R3HDM2: variants seen among roughly 807,000 people sequenced by gnomAD.
The protein encoded by R3HDM2 is R3H domain containing 2, also known as R3H domain-containing protein 2.
R3HDM2 carries 38 observed loss-of-function variants against 124.5 expected under a neutral mutation model. The ratio of observed to expected loss-of-function variants is 0.31; its 90% confidence interval spans 0.24 to 0.40. The LOEUF (loss-of-function observed/expected upper bound fraction) is 0.40, where lower values mean the gene tolerates loss of function less well. Ranked by LOEUF, R3HDM2 falls within the 10% of genes least tolerant of loss-of-function variation. The pLI, the probability that R3HDM2 is intolerant of heterozygous loss-of-function variation, is 1.00. For synonymous variants in R3HDM2, 391 were observed against 448.0 expected (o/e 0.87, Z 1.61); for missense variants, 869 against 1,236.9 (o/e 0.70, Z 4.46).
chr12:57,280,493 G>A lies in R3HDM2; in HGVS notation c.1209C>T (p.Val403=). 6.2e-7 allele frequency: 1 copy of A among 1,613,288 alleles called. No individual in the cohort carries two copies. Among genetic ancestry groups the A allele is most frequent in the Non-Finnish European group, 8.5e-7 (1 of 1,179,496 alleles). ...ALGAPEVCNQ[V]TSSQSVRGLL... ...GCCCCCGGACAGACTGGGATGAGGT[G>A]ACCTGGTTGCACACTTCTGGGGCAC... Residue 403 remains valine, a synonymous_variant, in exon 14 of 24, where the codon GTC becomes GTT. Transcript: ENST00000402412.
chr12:57,264,393 TAAAA>T (rs55891769), intron 19 of R3HDM2, among the ~76,000 whole-genome samples: 1 of 102,528 alleles, frequency 9.8e-6, no homozygotes, highest in African/African-American at 3.7e-5. Flanking sequence ...CTGCCTCTAC[TAAAA>T]AAAAAAAAAA....
Position 57,258,028 on chromosome 12 carries a change from A to T in R3HDM2, c.2411T>A (p.Val804Asp), listed in dbSNP as rs775494401. 2 of 1,588,442 alleles carry T rather than the reference A, an allele frequency of 1.3e-6. No individual in the cohort carries two copies. Among genetic ancestry groups the T allele is most frequent in the Non-Finnish European group, 1.7e-6 (2 of 1,162,524 alleles). The part of the protein sequence containing the change: ...SVCTGLSPLP[V>D]LTQFPRPGGP... ...CCCAGGCCGGGGGAACTGTGTGAGGACAGGCAGGGGACTGAGTCCTGTGCA... is the reference window on the plus strand; with the variant it reads ...CCCAGGCCGGGGGAACTGTGTGAGGTCAGGCAGGGGACTGAGTCCTGTGCA... Residue 804 changes from valine to aspartate, a missense_variant, in exon 21 of 24, where the codon GTC (valine) becomes GAC (aspartate). Physicochemically the swap from Val to Asp is radical, Grantham distance 152. Coordinates refer to ENST00000402412, the MANE Select transcript of R3HDM2 (RefSeq NM_001394031.1).
At chr12:57,354,538 C>G (rs1043963684) in intron 2 of R3HDM2, among the ~76,000 whole-genome samples, 6 of 151,998 alleles carry the variant, frequency 3.9e-5, no homozygotes, top group Non-Finnish European at 7.4e-5. Context: ...AAGTGATTCG[C>G]CTGCCTCAGC....
intron 2 of R3HDM2, among the ~76,000 whole-genome samples, chr12:57,373,815 AAAAT>A (rs555894623): frequency 2.0e-5 from 3 of 149,760 alleles, no homozygotes; most frequent in African/African-American, 4.9e-5. Context: ...CTCCTTCTCA[AAAAT>A]AAATAAATAA....
chr12:57,335,474 G>C (rs2058732927), intron 2 of R3HDM2, among the ~76,000 whole-genome samples: 1 of 145,916 alleles, frequency 6.9e-6, no homozygotes, highest in South Asian at 2.2e-4. Flanking sequence ...ACAGGCGTGA[G>C]CCATCACGCC....
At chr12:57,397,904 C>T (rs965168425) in intron 1 of R3HDM2, among the ~76,000 whole-genome samples, 2 of 152,174 alleles carry the variant, frequency 1.3e-5, no homozygotes, top group Non-Finnish European at 2.9e-5. Context: ...ATACTGTGGG[C>T]CGGGCACAGT....
chr12:57,430,677 G>C, intron 1 of R3HDM2, 43 bp downstream of exon 1: 1 of 758,750 alleles, frequency 1.3e-6, no homozygotes. Context: ...CTCCCCACAG[G>C]CCGTCCGGGC....
rs536373964 is a variant in R3HDM2 at position 57,345,629 on chromosome 12, G to C, written c.-35-35166C>G. Among the ~76,000 whole-genome samples the C allele has an allele frequency of 7.1e-4, 108 of 152,176 alleles. 1 individual carries two copies. The highest frequency in any genetic ancestry group is 2.6e-3 in the African/African-American group (106 of 41,514). On this transcript the variant is annotated intron_variant, in intron 2 of 23. Transcript: ENST00000402412. ...GCTCACTGCAGCGTTGAACTTCTGG[G>C]CTCAAGCAATCCTCCTGCCTCCTGG...
chr12:57,346,485 G>A (rs927916188), intron 2 of R3HDM2, among the ~76,000 whole-genome samples: 1 of 151,966 alleles, frequency 6.6e-6, no homozygotes, highest in Non-Finnish European at 1.5e-5. Flanking sequence ...GAAACCATGA[G>A]AACTAGAAGG....
At chr12:57,414,486 TA>T (rs534205889) in intron 1 of R3HDM2, among the ~76,000 whole-genome samples, 10,441 of 66,024 alleles carry the variant, frequency 0.16, 460 homozygotes, top group East Asian at 0.31. Context: ...AAGACTCCAT[TA>T]AAAAAAAAAA....
intron 2 of R3HDM2, among the ~76,000 whole-genome samples, chr12:57,316,629 A>T (rs1158146718): frequency 7.5e-6 from 1 of 133,280 alleles, no homozygotes; most frequent in African/African-American, 2.9e-5. Context: ...TATATCACCC[A>T]GGTTAGAGTA....
chr12:57,350,968 G>A (rs1339038901), intron 2 of R3HDM2, among the ~76,000 whole-genome samples: 4 of 152,052 alleles, frequency 2.6e-5, no homozygotes, highest in East Asian at 1.9e-4. Context: ...GCATGGTGGC[G>A]GGTGCCTGTA....
chr12:57,374,355 G>A (rs2063752693), intron 2 of R3HDM2, among the ~76,000 whole-genome samples: 1 of 151,354 alleles, frequency 6.6e-6, no homozygotes, highest in Non-Finnish European at 1.5e-5. Flanking sequence ...GTGTGTGGCT[G>A]GACAGTCAAT....
At chr12:57,264,788 C>T (rs2041906580) in intron 19 of R3HDM2, among the ~76,000 whole-genome samples, 1 of 152,014 alleles carries the variant, frequency 6.6e-6, no homozygotes, top group Admixed American at 6.6e-5. Context: ...AAGCACATGC[C>T]ACCATGCCCA....
chr12:57,298,202 A>C (rs2138616839), intron 6 of R3HDM2, 34 bp from the exon 7 acceptor site: 1 of 1,452,080 alleles, frequency 6.9e-7, no homozygotes, highest in Non-Finnish European at 9.3e-7. Context: ...ATTAAAATAC[A>C]TGAAACTGCT....
At chr12:57,319,330 C>T (rs548335256) in intron 2 of R3HDM2, among the ~76,000 whole-genome samples, 12 of 152,314 alleles carry the variant, frequency 7.9e-5, no homozygotes, top group Non-Finnish European at 1.6e-4. Flanking sequence ...GCCACTACGC[C>T]CAGCCTTAGC....
At chr12:57,316,891 C>T (rs2055158371) in intron 2 of R3HDM2, among the ~76,000 whole-genome samples, 1 of 151,890 alleles carries the variant, frequency 6.6e-6, no homozygotes, top group Non-Finnish European at 1.5e-5. Flanking sequence ...GGATTACAGG[C>T]ACGTGCCACC....
chr12:57,310,211 T>G (rs1484815149), intron 3 of R3HDM2, 53 bp downstream of exon 3: 3 of 1,267,498 alleles, frequency 2.4e-6, no homozygotes, highest in Admixed American at 3.8e-5. Flanking sequence ...TGGGTAACCC[T>G]GTCTCTAAAG....
chr12:57,321,638 C>A (rs951583497), intron 2 of R3HDM2, among the ~76,000 whole-genome samples: 1 of 151,672 alleles, frequency 6.6e-6, no homozygotes, highest in Non-Finnish European at 1.5e-5. Flanking sequence ...GCAACAAGAG[C>A]GAAACTCCGT....
Sources: allele counts gnomAD v4.1 joint callset (sites outside exome capture counted in the v4.1 genomes callset), GRCh38; gene constraint gnomAD v4.1.1; transcripts MANE v1.5; gene names NCBI Gene and HGNC (gene_info 2026-07-23, HGNC 2026-07-21).